Variants in TTLL5 observed in about 807,000 individuals in gnomAD.
TTLL5 encodes the protein tubulin polyglutamylase TTLL5.
TTLL5 carries 132 observed loss-of-function variants against 168.4 expected under a neutral mutation model. The observed-to-expected ratio is 0.78, with a 90% CI of 0.68 to 0.91. The LOEUF is 0.91. Among genes scored for constraint, TTLL5 ranks in the 40% least tolerant of loss-of-function variants. TTLL5 has a pLI of 0.00. For missense variants in TTLL5, 1,545 were observed against 1,581.5 expected (o/e 0.98, Z 0.39); for synonymous variants, 546 against 558.6 (o/e 0.98, Z 0.32).
intron 26 of TTLL5, among the ~76,000 whole-genome samples, chr14:75,792,609 A>G (rs1414172041): frequency 6.6e-6 from 1 of 152,168 alleles, no homozygotes; most frequent in Non-Finnish European, 1.5e-5. Flanking sequence ...TTATTCAGTA[A>G]GATTAGCAAA....
intron 18 of TTLL5, among the ~76,000 whole-genome samples, chr14:75,757,414 C>T (rs751417218): frequency 6.6e-6 from 1 of 152,144 alleles, no homozygotes; most frequent in Non-Finnish European, 1.5e-5. Context: ...AGTTTGAGAC[C>T]TAAGCCAGAG....
intron 31 of TTLL5, chr14:75,904,169 AT>A: frequency 7.9e-7 from 1 of 1,268,684 alleles, no homozygotes; most frequent in Non-Finnish European, 1.0e-6. Context: ...AATTCAAGAA[AT>A]ACTTGATGGG....
intron 28 of TTLL5, among the ~76,000 whole-genome samples, chr14:75,823,633 T>A (rs1348741954): frequency 6.6e-6 from 1 of 152,216 alleles, no homozygotes; most frequent in Non-Finnish European, 1.5e-5. Flanking sequence ...CACCTCTGGC[T>A]TTTTCACACA....
At position 75,677,724 on chromosome 14, in the gene TTLL5, C is replaced by A. The variant is rs532243212; in HGVS notation, c.182-3821C>A. 2.0e-5 allele frequency among the ~76,000 whole-genome samples: 3 copies of A among 151,872 alleles called. No homozygotes were observed. In the South Asian group the frequency reaches 6.2e-4, roughly 32 times the overall value. ...CTTTGAACTCTTGGGCTCAAGCAGTCCTCTTACCTCAGCCTCCTGAGTAGC... is the reference window on the plus strand; with the variant it reads ...CTTTGAACTCTTGGGCTCAAGCAGTACTCTTACCTCAGCCTCCTGAGTAGC... On this transcript the variant is annotated intron_variant, in intron 3 of 31. Transcript: ENST00000298832.
intron 18 of TTLL5, among the ~76,000 whole-genome samples, chr14:75,761,192 C>A (rs958457203): frequency 4.6e-5 from 7 of 152,114 alleles, no homozygotes; most frequent in Non-Finnish European, 7.4e-5. Flanking sequence ...TACCACTGAA[C>A]ATCTAGCAGA....
intron 25 of TTLL5, among the ~76,000 whole-genome samples, chr14:75,782,814 A>G (rs770897042): frequency 5.3e-5 from 8 of 152,136 alleles, no homozygotes; most frequent in Non-Finnish European, 8.8e-5. Flanking sequence ...AGAAGGGTGA[A>G]AAGAAGGGGG....
At chr14:75,883,574 C>G (rs1347101297) in intron 30 of TTLL5, among the ~76,000 whole-genome samples, 1 of 152,206 alleles carries the variant, frequency 6.6e-6, no homozygotes, top group Non-Finnish European at 1.5e-5. Context: ...GCTTCTCATT[C>G]ATTTGTCCTT....
chr14:75,738,831 G>A (rs576757406), intron 15 of TTLL5, among the ~76,000 whole-genome samples: 171 of 152,104 alleles, frequency 1.1e-3, no homozygotes, highest in Non-Finnish European at 2.1e-3. Context: ...TTGAGACAGC[G>A]TGTCACTCCA....
chr14:75,926,156 C>CTTTTTTT lies in TTLL5; in HGVS notation c.3823+23954_3823+23960dup, dbSNP rs34048806. Among the ~76,000 whole-genome samples, 34 of 29,960 alleles carry CTTTTTTT rather than the reference C, an allele frequency of 1.1e-3. 2 individuals are homozygous for CTTTTTTT. The highest frequency in any genetic ancestry group is 2.1e-3 in the African/African-American group (11 of 5,188). The allele number at this position is 29,960 out of a possible 152,430, so 19.7% of individuals were successfully genotyped here. A position where few individuals can be genotyped will look rare whatever the true frequency, so the allele number is the denominator to read the frequency against. On this transcript the variant is annotated intron_variant, in intron 31 of 31. Transcript: ENST00000298832. ...TTAAAGACTAGGATTGCAACCCCAG[C>CTTTTTTT]TTTTTTTTTTTTTTTTTTTTTTTTT...
chr14:75,670,072 T>C (rs1480102461), intron 3 of TTLL5, among the ~76,000 whole-genome samples: 1 of 152,240 alleles, frequency 6.6e-6, no homozygotes, highest in African/African-American at 2.4e-5. Context: ...TCATCCATGT[T>C]GGAGTATATA....
At chr14:75,929,851 G>A (rs1168984909) in intron 31 of TTLL5, among the ~76,000 whole-genome samples, 1 of 152,132 alleles carries the variant, frequency 6.6e-6, no homozygotes, top group East Asian at 1.9e-4. Flanking sequence ...TGAGAAAGGA[G>A]GTTCAAGTCC....
In TTLL5 at chr14:75,874,172, A is replaced by C. The variant is rs1002268628; in HGVS notation, c.3523-8513A>C. Reference sequence around the variant, plus strand: ...AGTGGCTCGATCTGGGCTCACTGCAACCTCCACCTCCCAGGTTCACACCGT... The same window carrying C: ...AGTGGCTCGATCTGGGCTCACTGCACCCTCCACCTCCCAGGTTCACACCGT... On this transcript the variant is annotated intron_variant, in intron 29 of 31. Coordinates refer to ENST00000298832, the MANE Select transcript of TTLL5 (RefSeq NM_015072.5). 2.0e-5 allele frequency among the ~76,000 whole-genome samples: 3 copies of C among 151,924 alleles called. No individual in the cohort carries two copies. In the South Asian group the frequency reaches 6.2e-4, roughly 32 times the overall value.
At chr14:75,743,575 C>CTTTTTTTT (rs33959405) in intron 15 of TTLL5, among the ~76,000 whole-genome samples, 8 of 63,096 alleles carry the variant, frequency 1.3e-4, no homozygotes, top group South Asian at 8.1e-4. Context: ...TGGCATCGCT[C>CTTTTTTTT]TTTTTTTTTT....
At chr14:75,669,362 C>A in intron 2 of TTLL5, 54 bp from the exon 3 acceptor site, 1 of 1,494,594 alleles carries the variant, frequency 6.7e-7, no homozygotes, top group Non-Finnish European at 9.2e-7. Context: ...TCTGCATCAG[C>A]AGTTAGTTCA....
chr14:75,850,739 C>T (rs1344780658), intron 28 of TTLL5, among the ~76,000 whole-genome samples: 1 of 152,002 alleles, frequency 6.6e-6, no homozygotes, highest in East Asian at 1.9e-4. Context: ...AAACATAAAG[C>T]CTTTCACATG....
intron 27 of TTLL5, among the ~76,000 whole-genome samples, chr14:75,808,476 T>G (rs1038748321): frequency 2.6e-5 from 4 of 152,252 alleles, no homozygotes; most frequent in Admixed American, 2.0e-4. Context: ...GAAGTGCTTT[T>G]GGAGGACTGT....
chr14:75,925,298 G>A (rs866936455), intron 31 of TTLL5, among the ~76,000 whole-genome samples: 1 of 151,502 alleles, frequency 6.6e-6, no homozygotes, highest in Non-Finnish European at 1.5e-5. Flanking sequence ...CTTCTCAGAC[G>A]GGGCGGTTGC....
Position 75,690,648 on chromosome 14 carries a change from G to T in TTLL5, c.502+326G>T, listed in dbSNP as rs1885388196. 2.0e-5 allele frequency among the ~76,000 whole-genome samples: 3 copies of T among 150,222 alleles called. No homozygotes were observed. In the South Asian group the frequency reaches 6.3e-4, roughly 31 times the overall value. Reference sequence around the variant, plus strand: ...ATTATTTTTTTTTTTTTAAGAGACAGAGCCTCCCTCTGTAGCCCAGAACCA... The same window carrying T: ...ATTATTTTTTTTTTTTTAAGAGACATAGCCTCCCTCTGTAGCCCAGAACCA... On this transcript the variant is annotated intron_variant, in intron 6 of 31. Coordinates refer to ENST00000298832, the MANE Select transcript of TTLL5 (RefSeq NM_015072.5).
intron 15 of TTLL5, among the ~76,000 whole-genome samples, chr14:75,743,573 C>A (rs1889398408): frequency 1.3e-5 from 1 of 78,718 alleles, no homozygotes; most frequent in South Asian, 4.9e-4. Context: ...TCTGGCATCG[C>A]TCTTTTTTTT....
Sources: allele counts gnomAD v4.1 joint callset (sites outside exome capture counted in the v4.1 genomes callset), GRCh38; gene constraint gnomAD v4.1.1; transcripts MANE v1.5; gene names NCBI Gene and HGNC (gene_info 2026-07-23, HGNC 2026-07-21).